The following FRMPD2 variants were observed in gnomAD, a reference collection of about 807,000 sequenced individuals.
FRMPD2 encodes FERM and PDZ domain-containing protein 2.
In FRMPD2, 96 loss-of-function variants were observed where a neutral mutation model predicts 140.1. The ratio of observed to expected loss-of-function variants is 0.69; its 90% CI spans 0.58 to 0.81. The LOEUF (loss-of-function observed/expected upper bound fraction) is 0.81, where lower values mean the gene tolerates loss of function less well. Ranked by LOEUF, FRMPD2 falls within the 40% of genes least tolerant of loss-of-function variation. The pLI is 0.00. For missense variants in FRMPD2, 1,240 were observed against 1,447.4 expected, an observed-to-expected ratio of 0.86 and a Z score of 2.32; for synonymous variants, 449 against 547.6, an observed-to-expected ratio of 0.82 and a Z score of 2.52.
rs1838005860 is a variant in FRMPD2 at position 48,163,539 on chromosome 10, TGA to T, written c.3668_3669del (p.Leu1223GlnfsTer31). The T allele has an allele frequency of 8.4e-7, 1 of 1,185,498 alleles. No homozygotes were observed. Among genetic ancestry groups the T allele is most frequent in the Admixed American group, 1.7e-5 (1 of 58,900 alleles). 73.4% of individuals were successfully genotyped at this position (1,185,498 alleles called of 1,614,324 possible). ...ATGGCCTTTTGGGAAGACTCTGGCC[TGA>T]GACCCAGGCCTTCCCCTGCATCTGG... ...ASPDAGEGLG[L>X]RPESSQKAIR... On this transcript the variant is annotated frameshift_variant, in exon 28 of 29. Coordinates refer to ENST00000374201, the MANE Select transcript of FRMPD2 (RefSeq NM_001018071.4). LOFTEE classifies it high-confidence loss of function.
chr10:48,186,594 C>T (rs544143600), intron 17 of FRMPD2, among the ~76,000 whole-genome samples: 132 of 152,260 alleles, frequency 8.7e-4, no homozygotes, highest in African/African-American at 3.1e-3. Flanking sequence ...TGCCTTTCAC[C>T]TCCCACCGTG....
chr10:48,256,122 G>C (rs1588857821), intron 1 of FRMPD2, among the ~76,000 whole-genome samples: 2 of 152,304 alleles, frequency 1.3e-5, no homozygotes, highest in African/African-American at 4.8e-5. Flanking sequence ...GAGTTCCAGA[G>C]GGCTGACTGC....
chr10:48,226,201 G>A (rs960926041), intron 10 of FRMPD2, among the ~76,000 whole-genome samples: 1 of 152,120 alleles, frequency 6.6e-6, no homozygotes, highest in East Asian at 1.9e-4. Flanking sequence ...AGTTTGAATG[G>A]GGCACATATT....
At chr10:48,174,285 G>A (rs1728208132) in intron 24 of FRMPD2, among the ~76,000 whole-genome samples, 1 of 151,948 alleles carries the variant, frequency 6.6e-6, no homozygotes, top group Non-Finnish European at 1.5e-5. Flanking sequence ...CAGAGGACTC[G>A]GCACAGTGGG....
chr10:48,255,628 TA>T (rs879846419), intron 1 of FRMPD2, among the ~76,000 whole-genome samples: 2 of 152,030 alleles, frequency 1.3e-5, no homozygotes, highest in Non-Finnish European at 2.9e-5. Flanking sequence ...GGTAAGCAAA[TA>T]AAATAATTCT....
intron 16 of FRMPD2, among the ~76,000 whole-genome samples, chr10:48,190,894 T>A (rs552804129): frequency 4.6e-5 from 7 of 152,314 alleles, no homozygotes; most frequent in African/African-American, 1.7e-4. Flanking sequence ...CAACACATCC[T>A]CAAGATGGCC....
At chr10:48,206,430 T>C (rs1159344591) in intron 14 of FRMPD2, among the ~76,000 whole-genome samples, 1 of 152,184 alleles carries the variant, frequency 6.6e-6, no homozygotes, top group African/African-American at 2.4e-5. Flanking sequence ...TCAACGTTAA[T>C]GGAGTCTCCA....
intron 1 of FRMPD2, among the ~76,000 whole-genome samples, chr10:48,257,529 C>T (rs1840512644): frequency 6.6e-6 from 1 of 152,142 alleles, no homozygotes; most frequent in African/African-American, 2.4e-5. Context: ...ATCCGCTCTC[C>T]TCAGCCTCAC....
rs368973812 is a variant in FRMPD2, at chr10:48,225,317, T to C, written c.1169-2047A>G. Reference sequence around the variant, plus strand: ...GGAGGGGCACTCATGCATATGCCTATACCGAAAAATACCACAGGAAATGTT... The same window carrying C: ...GGAGGGGCACTCATGCATATGCCTACACCGAAAAATACCACAGGAAATGTT... On this transcript the variant is annotated intron_variant, in intron 10 of 28. Coordinates refer to ENST00000374201, the MANE Select transcript of FRMPD2 (RefSeq NM_001018071.4). Among the ~76,000 whole-genome samples the C allele has an allele frequency of 3.7e-4, 57 of 152,302 alleles. 1 individual carries two copies. Among genetic ancestry groups the C allele is most frequent in the Admixed American group, 5.9e-4 (9 of 15,308 alleles).
intron 20 of FRMPD2, among the ~76,000 whole-genome samples, chr10:48,183,544 C>T (rs1838600117): frequency 6.6e-6 from 1 of 152,056 alleles, no homozygotes; most frequent in Non-Finnish European, 1.5e-5. Context: ...AGCGAGCTTG[C>T]CACGAAAATT....
intron 1 of FRMPD2, among the ~76,000 whole-genome samples, chr10:48,267,445 A>G (rs533199590): frequency 2.0e-3 from 306 of 152,240 alleles, no homozygotes; most frequent in Non-Finnish European, 3.9e-3. Context: ...TGAGAAGAGA[A>G]CAAGAGAAAT....
chr10:48,192,932 C>A (rs1244736504), intron 15 of FRMPD2, 38 bp from the exon 16 acceptor site: 2 of 1,442,438 alleles, frequency 1.4e-6, no homozygotes, highest in Non-Finnish European at 9.7e-7. Flanking sequence ...TACACACACA[C>A]AAGAATGATG....
At chr10:48,244,450 C>T (rs1218236232) in intron 4 of FRMPD2, among the ~76,000 whole-genome samples, 1 of 152,172 alleles carries the variant, frequency 6.6e-6, no homozygotes, top group African/African-American at 2.4e-5. Context: ...TGTTTTAAAG[C>T]CTTTTTAAAA....
intron 16 of FRMPD2, among the ~76,000 whole-genome samples, chr10:48,190,197 G>T (rs1184850026): frequency 6.6e-6 from 1 of 152,180 alleles, no homozygotes; most frequent in Admixed American, 6.5e-5. Flanking sequence ...GTGGTGGGGG[G>T]CAGTTCCATG....
At chr10:48,221,106 A>G (rs1839575675) in intron 12 of FRMPD2, among the ~76,000 whole-genome samples, 1 of 152,212 alleles carries the variant, frequency 6.6e-6, no homozygotes, top group Admixed American at 6.5e-5. Flanking sequence ...CCCAGAGGAA[A>G]AGAAGTTATT....
In FRMPD2 at chr10:48,232,098, G is replaced by C. The variant is rs755524187; in HGVS notation, c.1168+17C>G. 6.2e-7 allele frequency: 1 copy of C among 1,613,706 alleles called. No homozygotes were observed. The highest frequency in any genetic ancestry group is 8.5e-7 in the Non-Finnish European group (1 of 1,179,672). On this transcript the variant is annotated intron_variant, in intron 10 of 28. Coordinates refer to ENST00000374201, the MANE Select transcript of FRMPD2 (RefSeq NM_001018071.4). ...AGAGGCACCAGGCCAGCTGTGAGCTGCCCAAGAGATGCTTACTTTTCATAT... is the reference window on the plus strand; with the variant it reads ...AGAGGCACCAGGCCAGCTGTGAGCTCCCCAAGAGATGCTTACTTTTCATAT...
intron 28 of FRMPD2, among the ~76,000 whole-genome samples, chr10:48,161,508 G>A (rs561322713): frequency 2.0e-5 from 3 of 152,000 alleles, no homozygotes; most frequent in South Asian, 2.1e-4. Flanking sequence ...CTTTGGTTGA[G>A]CTTCAGATGA....
chr10:48,215,906 G>T (rs560178057), intron 12 of FRMPD2, among the ~76,000 whole-genome samples: 1 of 152,326 alleles, frequency 6.6e-6, no homozygotes, highest in Admixed American at 6.5e-5. Context: ...GACTGTGAGG[G>T]TGTTTTTGGA....
intron 1 of FRMPD2, among the ~76,000 whole-genome samples, chr10:48,253,215 A>G (rs746024715): frequency 2.6e-5 from 4 of 152,210 alleles, no homozygotes; most frequent in African/African-American, 4.8e-5. Flanking sequence ...TGGAGGGAGG[A>G]CAAACTTTTC....
Sources: gnomAD v4.1 joint callset for allele counts (sites outside exome capture counted in the v4.1 genomes callset) on GRCh38, gnomAD v4.1.1 for gene constraint, MANE v1.5 for transcripts, NCBI Gene and HGNC (gene_info 2026-07-23, HGNC 2026-07-21) for gene names.